The following SLX9 variants were observed in gnomAD, a reference collection of about 807,000 sequenced individuals.
The protein encoded by SLX9 is SLX9 ribosome biogenesis factor.
In SLX9, 19 loss-of-function variants were observed where a neutral mutation model predicts 20.8. The observed-to-expected ratio is 0.91, with a 90% CI of 0.64 to 1.34. The LOEUF (loss-of-function observed/expected upper bound fraction) is 1.34, where lower values mean the gene tolerates loss of function less well. Among genes scored for constraint, SLX9 ranks in the 40% most tolerant of loss-of-function variants. The pLI is 0.00. For synonymous variants in SLX9, 113 were observed against 137.1 expected, an observed-to-expected ratio of 0.82 and a Z score of 1.23; for missense variants, 299 against 322.2, an observed-to-expected ratio of 0.93 and a Z score of 0.55.
At chr21:44,964,901 G>T (rs1189506070) in intron 3 of SLX9, among the ~76,000 whole-genome samples, 3 of 152,094 alleles carry the variant, frequency 2.0e-5, no homozygotes, top group Admixed American at 1.3e-4. Context: ...CAGTGTGAGA[G>T]GGACTCTGAC....
At chr21:44,945,254 G>A (rs571470155) in intron 2 of SLX9, among the ~76,000 whole-genome samples, 38 of 152,324 alleles carry the variant, frequency 2.5e-4, no homozygotes, top group Middle Eastern at 3.4e-3. Flanking sequence ...ACCTGGTGAG[G>A]TGACCAGGCC....
intron 4 of SLX9, among the ~76,000 whole-genome samples, chr21:44,971,831 G>A (rs1312117621): frequency 1.3e-5 from 2 of 152,190 alleles, no homozygotes; most frequent in East Asian, 1.9e-4. Flanking sequence ...CTTCTGCATC[G>A]GGGCAAGGCT....
intron 2 of SLX9, among the ~76,000 whole-genome samples, chr21:44,951,978 C>T (rs537474607): frequency 2.0e-5 from 3 of 148,558 alleles, no homozygotes; most frequent in African/African-American, 5.3e-5. Context: ...GGTCCCTGTC[C>T]TGGAGCACGT....
intron 2 of SLX9, among the ~76,000 whole-genome samples, chr21:44,949,325 C>T (rs1474029568): frequency 6.6e-6 from 1 of 152,082 alleles, no homozygotes; most frequent in African/African-American, 2.4e-5. Context: ...CTGGGCCCGG[C>T]TGTCAGGAGT....
At chr21:44,960,280 G>T in intron 3 of SLX9, 112 bp downstream of exon 3, 1 of 1,022,758 alleles carries the variant, frequency 9.8e-7, no homozygotes. Flanking sequence ...ACTCCCCGAG[G>T]AGTGCCCAAG....
chr21:44,959,428 C>G (rs1268959136), intron 2 of SLX9, among the ~76,000 whole-genome samples: 1 of 152,208 alleles, frequency 6.6e-6, no homozygotes, highest in Non-Finnish European at 1.5e-5. Context: ...TCCACCTGTC[C>G]CCACCTGCAC....
chr21:44,954,364 C>A (rs2084815237), intron 2 of SLX9, among the ~76,000 whole-genome samples: 1 of 152,116 alleles, frequency 6.6e-6, no homozygotes, highest in African/African-American at 2.4e-5. Context: ...ACCCTTCTCT[C>A]AGGGGCCCCG....
At chr21:44,971,763 G>A (rs2085154214) in intron 4 of SLX9, among the ~76,000 whole-genome samples, 1 of 152,222 alleles carries the variant, frequency 6.6e-6, no homozygotes, top group African/African-American at 2.4e-5. Context: ...CAGTCAGTGA[G>A]GGAGCTGCTG....
chr21:44,956,073 C>G (rs746692814), intron 2 of SLX9, among the ~76,000 whole-genome samples: 5 of 152,356 alleles, frequency 3.3e-5, no homozygotes, highest in Middle Eastern at 3.4e-3. Context: ...TACATTCAGC[C>G]TTCATCGCTG....
intron 3 of SLX9, 63 bp downstream of exon 3, chr21:44,960,231 A>T (rs376638076): frequency 6.7e-4 from 985 of 1,471,558 alleles, no homozygotes; most frequent in Non-Finnish European, 8.9e-4. Flanking sequence ...GGGCCCTCCT[A>T]TTCCTACAGC....
intron 2 of SLX9, among the ~76,000 whole-genome samples, chr21:44,954,577 G>A (rs1168356310): frequency 2.0e-5 from 3 of 152,208 alleles, no homozygotes; most frequent in Admixed American, 2.0e-4. Flanking sequence ...GGACTGCGGA[G>A]GTGGGCACAG....
In SLX9 at chr21:44,966,897, C is replaced by T. The variant is rs753674887; in HGVS notation, c.353-137C>T. On this transcript the variant is annotated intron_variant, in intron 3 of 5. Coordinates refer to ENST00000291634, the MANE Select transcript of SLX9 (RefSeq NM_058190.4). ...TGCCCGCCCTGCAGGTTCCCAGGGG[C>T]GGAATGGGGGTGACAGCGGGAAGGA... 9.9e-6 allele frequency: 11 copies of T among 1,116,394 alleles called. No homozygotes were observed. In the East Asian group the frequency reaches 1.1e-4, roughly 11 times the overall value. The allele number at this position is 1,116,394 out of a possible 1,614,324, so 69.2% of individuals were successfully genotyped here. A position where few individuals can be genotyped will look rare whatever the true frequency, so the allele number is the denominator to read the frequency against.
intron 2 of SLX9, 79 bp downstream of exon 2, chr21:44,943,916 A>G: frequency 6.3e-7 from 1 of 1,580,066 alleles, no homozygotes; most frequent in Non-Finnish European, 8.6e-7. Flanking sequence ...AGGTCTCAGC[A>G]GCTTTCCAGC....
In SLX9 at chr21:44,976,882, C is replaced by G. The variant is rs2085275035; in HGVS notation, c.*79C>G. 1.3e-6 allele frequency: 2 copies of G among 1,519,150 alleles called. No individual in the cohort carries two copies. Among genetic ancestry groups the G allele is most frequent in the Admixed American group, 4.1e-5 (2 of 49,282 alleles). 94.1% of individuals were successfully genotyped at this position (1,519,150 alleles called of 1,614,324 possible). A position where few individuals can be genotyped will look rare whatever the true frequency, so the allele number is the denominator to read the frequency against. On this transcript the variant is annotated 3_prime_UTR_variant, in exon 6 of 6. Coordinates refer to ENST00000291634, the MANE Select transcript of SLX9 (RefSeq NM_058190.4). ...AGCGCCGGCCCCTCAAGGACCATGG[C>G]CTGAGCCTGGTGGACGCCCTTCCCT... is the stretch of plus-strand genomic sequence containing the variant.
At chr21:44,968,191 A>ACAACCCCGCCACCCAGTGACG (rs1308773400) in intron 4 of SLX9, among the ~76,000 whole-genome samples, 3 of 151,236 alleles carry the variant, frequency 2.0e-5, no homozygotes, top group Admixed American at 6.6e-5. Context: ...ACCCAGTGAC[A>ACAACCCCGCCACCCAGTGACG]CAACCCCGCC....
intron 4 of SLX9, among the ~76,000 whole-genome samples, chr21:44,967,703 G>C (rs578047121): frequency 6.6e-6 from 1 of 152,210 alleles, no homozygotes; most frequent in East Asian, 1.9e-4. Flanking sequence ...AGGGTGGCCC[G>C]TGAGGACGGC....
intron 1 of SLX9, among the ~76,000 whole-genome samples, chr21:44,941,273 G>A (rs2084542396): frequency 6.6e-6 from 1 of 151,714 alleles, no homozygotes; most frequent in African/African-American, 2.4e-5. Flanking sequence ...TGGCAGGTAG[G>A]AGCAGGTGGG....
chr21:44,942,067 C>T (rs1268933183), intron 1 of SLX9, among the ~76,000 whole-genome samples: 2 of 152,230 alleles, frequency 1.3e-5, no homozygotes, highest in African/African-American at 2.4e-5. Context: ...TGTCTTGGCT[C>T]ATTGAAACCT....
At chr21:44,974,213 C>CT (rs1341626685) in intron 5 of SLX9, among the ~76,000 whole-genome samples, 1 of 151,346 alleles carries the variant, frequency 6.6e-6, no homozygotes, top group African/African-American at 2.4e-5. Context: ...TTTGAAATGG[C>CT]TTTACTCAGG....
Sources: gnomAD v4.1 joint callset for allele counts (sites outside exome capture counted in the v4.1 genomes callset) on GRCh38, gnomAD v4.1.1 for gene constraint, MANE v1.5 for transcripts, NCBI Gene and HGNC (gene_info 2026-07-23, HGNC 2026-07-21) for gene names.